C12orf42: variants seen among roughly 807,000 people sequenced by gnomAD.
C12orf42 encodes uncharacterized protein C12orf42.
Under a neutral mutation model 21.6 loss-of-function variants are expected in C12orf42, and 25 were observed. The observed-to-expected ratio is 1.16, with a 90% CI of 0.84 to 1.62. The LOEUF is 1.62. Among genes scored for constraint, C12orf42 ranks in the 40% most tolerant of loss-of-function variants. The pLI is 0.00. For missense variants in C12orf42, 483 were observed against 459.3 expected, an observed-to-expected ratio of 1.05 and a Z score of -0.47; for synonymous variants, 174 against 175.0, an observed-to-expected ratio of 0.99 and a Z score of 0.05.
chr12:103,329,040 A>G (rs566513273), intron 4 of C12orf42, among the ~76,000 whole-genome samples: 6 of 152,322 alleles, frequency 3.9e-5, no homozygotes, highest in Admixed American at 6.5e-5. Flanking sequence ...GGTGACATGC[A>G]GTGATAAGCG....
At chr12:103,075,046 C>T in the C12orf42 span, among the ~76,000 whole-genome samples, 146 of 152,184 alleles carry the variant, frequency 9.6e-4, no homozygotes, top group Non-Finnish European at 1.7e-3. Flanking sequence ...TGTGATCATG[C>T]CATTGCACTC....
At chr12:103,145,138 C>A in the C12orf42 span, among the ~76,000 whole-genome samples, 1 of 152,248 alleles carries the variant, frequency 6.6e-6, no homozygotes, top group Non-Finnish European at 1.5e-5. Context: ...GTCCCCGTCT[C>A]CCCAAAAAAC....
chr12:103,124,206 G>A, the C12orf42 span, among the ~76,000 whole-genome samples: 1 of 124,788 alleles, frequency 8.0e-6, no homozygotes, highest in Non-Finnish European at 1.6e-5. Context: ...GGTTTCAGTG[G>A]CCCTGCTCCC....
chr12:103,354,910 C>T (rs867822457), intron 4 of C12orf42, among the ~76,000 whole-genome samples: 1 of 151,992 alleles, frequency 6.6e-6, no homozygotes, highest in African/African-American at 2.4e-5. Context: ...AGAGGGGATT[C>T]TGAATGTTCT....
At chr12:103,298,307 A>C (rs1454361882), downstream of C12orf42, among the ~76,000 whole-genome samples, 1 of 152,214 alleles carries the variant, frequency 6.6e-6, no homozygotes, top group Non-Finnish European at 1.5e-5. Flanking sequence ...CCTATACACC[A>C]ATAACAGACA....
At chr12:103,354,489 T>C (rs2043356393) in intron 4 of C12orf42, among the ~76,000 whole-genome samples, 1 of 152,110 alleles carries the variant, frequency 6.6e-6, no homozygotes, top group Admixed American at 6.6e-5. Flanking sequence ...ATCAATGCGG[T>C]TCATCAGAAA....
the C12orf42 span, among the ~76,000 whole-genome samples, chr12:103,096,328 T>G: frequency 3.3e-5 from 5 of 152,194 alleles, no homozygotes; most frequent in Admixed American, 6.5e-5. Context: ...TTAGGTGTAT[T>G]TTTTATTAAA....
chr12:103,355,785 G>T (rs187489426), intron 4 of C12orf42, among the ~76,000 whole-genome samples: 1 of 152,112 alleles, frequency 6.6e-6, no homozygotes, highest in Non-Finnish European at 1.5e-5. Flanking sequence ...AATCAAATAG[G>T]CATTCTTAGT....
At chr12:103,160,365 T>C in the C12orf42 span, among the ~76,000 whole-genome samples, 6 of 152,244 alleles carry the variant, frequency 3.9e-5, no homozygotes, top group African/African-American at 7.2e-5. Flanking sequence ...CAGAAGTCAA[T>C]GTGAAAGGTT....
At chr12:103,544,505 G>A in the C12orf42 span, among the ~76,000 whole-genome samples, 2 of 152,122 alleles carry the variant, frequency 1.3e-5, no homozygotes, top group Non-Finnish European at 2.9e-5. Context: ...CCTTCACCCT[G>A]ATTGGGATGG....
At chr12:103,168,257 A>G in the C12orf42 span, 1 of 309,074 alleles carries the variant, frequency 3.2e-6, no homozygotes, top group South Asian at 2.7e-5. Context: ...AGTGTATAAT[A>G]TTGCTTTGTG....
downstream of C12orf42, chr12:103,267,515 A>T (rs1022120143): frequency 2.6e-5 from 4 of 152,198 alleles, no homozygotes; most frequent in Non-Finnish European, 5.9e-5. Flanking sequence ...TGTGTAAATT[A>T]TAAGCAGACA....
the C12orf42 span, among the ~76,000 whole-genome samples, chr12:103,535,384 G>A: frequency 6.6e-6 from 1 of 151,476 alleles, no homozygotes; most frequent in Non-Finnish European, 1.5e-5. Flanking sequence ...TTATATATAA[G>A]TATAAAATAT....
intron 1 of C12orf42, among the ~76,000 whole-genome samples, chr12:103,484,494 C>G (rs763877689): frequency 6.6e-6 from 1 of 152,192 alleles, no homozygotes; most frequent in Non-Finnish European, 1.5e-5. Context: ...CCTTTGCCCA[C>G]TTTTCAATGG....
the C12orf42 span, among the ~76,000 whole-genome samples, chr12:103,120,824 A>G: frequency 1.3e-5 from 2 of 150,566 alleles, no homozygotes; most frequent in East Asian, 3.9e-4. Context: ...ATTATATACT[A>G]TAATAAAATT....
At chr12:103,255,820 G>A (rs944401900) in intron 10 of C12orf42, among the ~76,000 whole-genome samples, 3 of 150,904 alleles carry the variant, frequency 2.0e-5, no homozygotes, top group African/African-American at 7.3e-5. Context: ...GGGAGGCCGA[G>A]GCGGGTGGAT....
At chr12:103,505,617 G>A in the C12orf42 span, 3 of 282,218 alleles carry the variant, frequency 1.1e-5, no homozygotes, top group South Asian at 6.4e-5. Flanking sequence ...AGGCTCTGCT[G>A]TAATAAATAA....
chr12:103,467,136 A>G (rs1418014080), intron 2 of C12orf42, among the ~76,000 whole-genome samples: 1 of 152,216 alleles, frequency 6.6e-6, no homozygotes, highest in Non-Finnish European at 1.5e-5. Flanking sequence ...TACATATTGG[A>G]TAATATTATG....
chr12:103,203,358 A>G, the C12orf42 span, among the ~76,000 whole-genome samples: 1 of 152,088 alleles, frequency 6.6e-6, no homozygotes, highest in African/African-American at 2.4e-5. Context: ...TTTGATCAAA[A>G]CCTATGCAGT....
Sources: allele counts gnomAD v4.1 joint callset (sites outside exome capture counted in the v4.1 genomes callset), GRCh38; gene constraint gnomAD v4.1.1; transcripts MANE v1.5; gene names NCBI Gene and HGNC (gene_info 2026-07-23, HGNC 2026-07-21).